Variants in RAP1GAP2 observed in about 807,000 individuals in gnomAD.
RAP1GAP2 encodes rap1 GTPase-activating protein 2.
A neutral mutation model predicts 95.0 loss-of-function variants in RAP1GAP2; 27 were observed. That is an observed-to-expected ratio of 0.28 (90% CI 0.21 to 0.39). The LOEUF (loss-of-function observed/expected upper bound fraction) is 0.39, where lower values mean the gene tolerates loss of function less well. Among genes scored for constraint, RAP1GAP2 ranks in the 10% least tolerant of loss-of-function variants. The probability of loss-of-function intolerance (pLI) is 1.00; values close to 1 mark genes in which losing one functional copy is unlikely to be tolerated. For missense variants in RAP1GAP2, 771 were observed against 970.0 expected (o/e 0.79, Z 2.72); for synonymous variants, 373 against 380.9 (o/e 0.98, Z 0.24).
At chr17:3,030,045 T>C (rs1159152561) in intron 22 of RAP1GAP2, among the ~76,000 whole-genome samples, 6 of 148,204 alleles carry the variant, frequency 4.0e-5, no homozygotes, top group Non-Finnish European at 7.4e-5. Context: ...TATGTATATA[T>C]TATATATACA....
intron 3 of RAP1GAP2, among the ~76,000 whole-genome samples, chr17:2,915,514 C>T (rs1392151186): frequency 1.3e-5 from 2 of 152,202 alleles, no homozygotes; most frequent in Non-Finnish European, 2.9e-5. Context: ...GTATTACAGG[C>T]GTGAGCCAAC....
At chr17:2,915,864 A>AT (rs1171014315) in intron 3 of RAP1GAP2, among the ~76,000 whole-genome samples, 2 of 151,584 alleles carry the variant, frequency 1.3e-5, no homozygotes, top group African/African-American at 4.8e-5. Context: ...CACCTGGCTG[A>AT]TTTTTTTGTA....
At chr17:2,767,486 A>G (rs937816829) in intron 1 of RAP1GAP2, among the ~76,000 whole-genome samples, 2 of 149,770 alleles carry the variant, frequency 1.3e-5, no homozygotes, top group South Asian at 2.1e-4. Context: ...CCCCCAACCC[A>G]GGAGGTGACT....
At chr17:2,856,705 C>T (rs1323512138) in intron 2 of RAP1GAP2, among the ~76,000 whole-genome samples, 2 of 152,116 alleles carry the variant, frequency 1.3e-5, no homozygotes, top group Admixed American at 6.5e-5. Flanking sequence ...GGCTGGGACC[C>T]GGGTACCCCA....
At chr17:2,981,271 C>T in intron 10 of RAP1GAP2, 23 bp downstream of exon 10, 1 of 1,592,264 alleles carries the variant, frequency 6.3e-7, no homozygotes, top group Non-Finnish European at 8.6e-7. Context: ...ATGCTCCCAA[C>T]ATAGGGGCCC....
intron 14 of RAP1GAP2, among the ~76,000 whole-genome samples, chr17:3,000,138 G>A (rs1409407020): frequency 2.0e-5 from 3 of 152,096 alleles, no homozygotes; most frequent in African/African-American, 7.2e-5. Flanking sequence ...TAGTAGAGAC[G>A]GGGTTTCTCC....
At chr17:2,921,696 G>T (rs78542887) in intron 3 of RAP1GAP2, among the ~76,000 whole-genome samples, 1 of 57,008 alleles carries the variant, frequency 1.8e-5, no homozygotes, top group African/African-American at 1.3e-4. Flanking sequence ...TAAGGTGTCC[G>T]CAGGGCCGTT....
chr17:3,026,664 C>T (rs1186226787), intron 21 of RAP1GAP2, among the ~76,000 whole-genome samples, 200 bp downstream of exon 21: 1 of 152,214 alleles, frequency 6.6e-6, no homozygotes, highest in Non-Finnish European at 1.5e-5. Flanking sequence ...CTCAGAGTGA[C>T]ATAGCAGCAG....
chr17:3,000,230 T>C (rs1016303349), intron 14 of RAP1GAP2, among the ~76,000 whole-genome samples: 1 of 152,276 alleles, frequency 6.6e-6, no homozygotes, highest in Non-Finnish European at 1.5e-5. Context: ...ATTATAGGCG[T>C]GAGCCACTGT....
chr17:2,771,718 G>C lies in RAP1GAP2; in HGVS notation c.167+1273G>C, dbSNP rs57535769. On this transcript the variant is annotated intron_variant, in intron 2 of 25. Transcript: ENST00000637138. ...TTGGCCAGGCTGGTCTTGAATTCCT[G>C]ATCTCAGGTGATCCACCCGCCTTGG... Among the ~76,000 whole-genome samples, 1,130 of 152,150 alleles carry C rather than the reference G, an allele frequency of 7.4e-3. 12 individuals carry two copies. The highest frequency in any genetic ancestry group is 0.026 in the African/African-American group (1,064 of 41,520).
chr17:2,885,229 TC>T (rs1190862669), intron 2 of RAP1GAP2, among the ~76,000 whole-genome samples: 1 of 152,068 alleles, frequency 6.6e-6, no homozygotes, highest in Non-Finnish European at 1.5e-5. Context: ...AGATGGGGTT[TC>T]CCCATGTTGG....
intron 2 of RAP1GAP2, among the ~76,000 whole-genome samples, chr17:2,873,258 G>C (rs1206368369): frequency 6.9e-6 from 1 of 144,848 alleles, no homozygotes. Context: ...TCAGGAGTTC[G>C]AGACCAGCCT....
chr17:2,995,302 T>G, intron 12 of RAP1GAP2, 35 bp from the exon 13 acceptor site: 1 of 1,607,154 alleles, frequency 6.2e-7, no homozygotes, highest in Non-Finnish European at 8.5e-7. Context: ...CCTCACTCTC[T>G]TTTCTCCCCA....
chr17:2,970,875 T>TA (rs990273763), intron 8 of RAP1GAP2, among the ~76,000 whole-genome samples: 5 of 149,674 alleles, frequency 3.3e-5, no homozygotes, highest in Admixed American at 1.3e-4. Context: ...CCCCATCTCT[T>TA]AAAAAAAAAA....
At chr17:2,824,415 C>G (rs926033176) in intron 2 of RAP1GAP2, among the ~76,000 whole-genome samples, 5 of 150,336 alleles carry the variant, frequency 3.3e-5, no homozygotes, top group Non-Finnish European at 4.4e-5. Context: ...CCACTGTACT[C>G]CAGCCTGGGT....
chr17:2,921,637 G>GCAGGGCCGTTATGTGTCCT (rs998232386), intron 3 of RAP1GAP2, among the ~76,000 whole-genome samples: 1 of 150,830 alleles, frequency 6.6e-6, no homozygotes, highest in African/African-American at 2.4e-5. Flanking sequence ...TAAGGTGTCA[G>GCAGGGCCGTTATGTGTCCT]CAGGGCCGTT....
At chr17:2,998,470 C>A in intron 14 of RAP1GAP2, 94 bp downstream of exon 14, 1 of 1,422,580 alleles carries the variant, frequency 7.0e-7, no homozygotes, top group Non-Finnish European at 9.6e-7. Context: ...CCTCAGCAGT[C>A]AGAGATTCTC....
chr17:2,805,342 G>A (rs759069371), intron 2 of RAP1GAP2, among the ~76,000 whole-genome samples: 14 of 151,944 alleles, frequency 9.2e-5, no homozygotes, highest in Non-Finnish European at 1.8e-4. Context: ...GGGAGCCTCC[G>A]AGACACTCCT....
chr17:2,761,011 A>G lies in RAP1GAP2; in HGVS notation c.50+5244A>G, dbSNP rs147517877. 3.4e-3 allele frequency among the ~76,000 whole-genome samples: 511 copies of G among 151,512 alleles called. 4 individuals carry two copies. The highest frequency in any genetic ancestry group is 0.012 in the African/African-American group (488 of 41,260). On this transcript the variant is annotated intron_variant, in intron 1 of 25. Coordinates refer to the RAP1GAP2 transcript ENST00000637138. ...CTCTTGTTGTCCAGGCTGGAGTGCA[A>G]TGGTGTGATCTCTGCACACTGCAAC...
Sources: allele counts gnomAD v4.1 joint callset (sites outside exome capture counted in the v4.1 genomes callset), GRCh38; gene constraint gnomAD v4.1.1; transcripts MANE v1.5; gene names NCBI Gene and HGNC (gene_info 2026-07-23, HGNC 2026-07-21).